LARGE1: variants seen among roughly 807,000 people sequenced by gnomAD.
The protein encoded by LARGE1 is LARGE xylosyl- and glucuronyltransferase 1.
LARGE1 carries 43 observed loss-of-function variants against 87.6 expected under a neutral mutation model. The ratio of observed to expected loss-of-function variants is 0.49; its 90% CI spans 0.38 to 0.63. The LOEUF (loss-of-function observed/expected upper bound fraction) is 0.63. Ranked by LOEUF, LARGE1 falls within the 30% of genes least tolerant of loss-of-function variation. The pLI, the probability that LARGE1 is intolerant of heterozygous loss-of-function variation, is 0.00. For missense variants in LARGE1, 802 were observed against 1,000.2 expected, an observed-to-expected ratio of 0.80 and a Z score of 2.67; for synonymous variants, 434 against 394.6, an observed-to-expected ratio of 1.10 and a Z score of -1.18.
chr22:33,236,624 TA>T (rs1430264519), intron 11 of LARGE1, among the ~76,000 whole-genome samples: 9 of 152,224 alleles, frequency 5.9e-5, no homozygotes, highest in Non-Finnish European at 1.3e-4. Flanking sequence ...CAGCAGGATG[TA>T]AACATTGAAC....
chr22:33,622,410 C>T lies in LARGE1; in HGVS notation c.491+3834G>A, dbSNP rs375221301. ...TGATTATAAGTTTCCTGAGGCTTCC[C>T]CAGCCATGCTAAGCTGTGAGTCAAT... On this transcript the variant is annotated intron_variant, in intron 4 of 14. Coordinates refer to ENST00000397394, the MANE Select transcript of LARGE1 (RefSeq NM_133642.5). 2.6e-5 allele frequency among the ~76,000 whole-genome samples: 4 copies of T among 152,180 alleles called. No individual in the cohort carries two copies. In the East Asian group the frequency reaches 7.7e-4, roughly 29 times the overall value.
chr22:33,084,876 C>T, the LARGE1 span, among the ~76,000 whole-genome samples: 1 of 152,162 alleles, frequency 6.6e-6, no homozygotes, highest in Non-Finnish European at 1.5e-5. Flanking sequence ...ACAACATCCT[C>T]AAAATCTAGT....
At chr22:33,115,239 A>G in the LARGE1 span, among the ~76,000 whole-genome samples, 5 of 152,294 alleles carry the variant, frequency 3.3e-5, no homozygotes, top group East Asian at 9.7e-4. Context: ...CAGTCCTAGC[A>G]TATGCAGACA....
intron 2 of LARGE1, among the ~76,000 whole-genome samples, chr22:33,669,629 C>G (rs1022437545): frequency 6.6e-6 from 1 of 152,202 alleles, no homozygotes; most frequent in African/African-American, 2.4e-5. Context: ...GGAGACCTTT[C>G]CCACCTGCTG....
At chr22:33,617,197 C>A (rs1295249342) in intron 4 of LARGE1, among the ~76,000 whole-genome samples, 1 of 152,170 alleles carries the variant, frequency 6.6e-6, no homozygotes, top group African/African-American at 2.4e-5. Flanking sequence ...TATTTGTGGC[C>A]ACAGTTGAAA....
intron 11 of LARGE1, among the ~76,000 whole-genome samples, chr22:33,240,849 C>T (rs1602136086): frequency 6.6e-6 from 1 of 152,124 alleles, no homozygotes; most frequent in South Asian, 2.1e-4. Flanking sequence ...CAGTCTGTGT[C>T]TGAGCCCCTT....
At chr22:33,130,111 G>A in the LARGE1 span, among the ~76,000 whole-genome samples, 3 of 151,886 alleles carry the variant, frequency 2.0e-5, no homozygotes, top group African/African-American at 4.8e-5. Flanking sequence ...TCAGGAGATC[G>A]AGACCATACT....
chr22:33,291,819 G>A (rs750341769), intron 12 of LARGE1, among the ~76,000 whole-genome samples: 21 of 152,066 alleles, frequency 1.4e-4, no homozygotes, highest in Admixed American at 2.0e-4. Flanking sequence ...GGGGCCGGGC[G>A]TGGTGGCTCA....
At chr22:33,643,741 T>G (rs548371322) in intron 3 of LARGE1, among the ~76,000 whole-genome samples, 3 of 152,282 alleles carry the variant, frequency 2.0e-5, no homozygotes, top group Admixed American at 1.3e-4. Context: ...TCACCACTGA[T>G]TCCACAGAAA....
At chr22:33,839,044 G>A (rs996562056) in intron 1 of LARGE1, among the ~76,000 whole-genome samples, 2 of 152,174 alleles carry the variant, frequency 1.3e-5, no homozygotes, top group African/African-American at 4.8e-5. Context: ...AAATAATTTA[G>A]GATATTAGTT....
chr22:33,892,446 C>T (rs371109631), intron 1 of LARGE1, among the ~76,000 whole-genome samples: 1 of 152,202 alleles, frequency 6.6e-6, no homozygotes, highest in South Asian at 2.1e-4. Flanking sequence ...TCCCCTCCAC[C>T]TCATACTTCA....
intron 6 of LARGE1, among the ~76,000 whole-genome samples, chr22:33,532,348 C>T (rs1213998139): frequency 6.6e-6 from 1 of 152,216 alleles, no homozygotes; most frequent in African/African-American, 2.4e-5. Context: ...CTGTTTTATA[C>T]TTGTTTCTGT....
chr22:33,780,836 C>A lies in LARGE1; in HGVS notation c.-82-19278G>T, dbSNP rs74608905. Among the ~76,000 whole-genome samples, 307 of 152,278 alleles carry A rather than the reference C, an allele frequency of 2.0e-3. 1 individual carries two copies. Among genetic ancestry groups the A allele is most frequent in the Non-Finnish European group, 3.4e-3 (228 of 68,008 alleles). On this transcript the variant is annotated intron_variant, in intron 1 of 14. Coordinates refer to ENST00000397394, the MANE Select transcript of LARGE1 (RefSeq NM_133642.5). Reference sequence around the variant, plus strand: ...AAAGTTACAGAGTAAGTCTCAGGCACCCCGGCCTCAATACAAAATCAAATT... The same window carrying A: ...AAAGTTACAGAGTAAGTCTCAGGCAACCCGGCCTCAATACAAAATCAAATT...
intron 1 of LARGE1, among the ~76,000 whole-genome samples, chr22:33,900,883 C>A (rs527705272): frequency 6.6e-6 from 1 of 152,090 alleles, no homozygotes; most frequent in African/African-American, 2.4e-5. Context: ...CCCGTCTCTA[C>A]TAAAAATACA....
chr22:33,527,713 C>T (rs1185207769), intron 6 of LARGE1, among the ~76,000 whole-genome samples: 2 of 152,028 alleles, frequency 1.3e-5, no homozygotes, highest in Non-Finnish European at 2.9e-5. Flanking sequence ...GGTGACAGCA[C>T]AAAGAGAAAG....
At chr22:33,883,446 C>T (rs2064755464) in intron 1 of LARGE1, among the ~76,000 whole-genome samples, 1 of 152,178 alleles carries the variant, frequency 6.6e-6, no homozygotes, top group Admixed American at 6.5e-5. Flanking sequence ...GAAGTACAGC[C>T]CTCCGCAGTC....
chr22:33,599,915 T>G (rs1264624505), intron 5 of LARGE1, among the ~76,000 whole-genome samples: 1 of 152,176 alleles, frequency 6.6e-6, no homozygotes, highest in Non-Finnish European at 1.5e-5. Flanking sequence ...TTAATGTGTT[T>G]CCTTCCTAGC....
chr22:33,581,760 C>T (rs1394315589), intron 5 of LARGE1, among the ~76,000 whole-genome samples: 1 of 146,624 alleles, frequency 6.8e-6, no homozygotes, highest in Non-Finnish European at 1.5e-5. Context: ...TGCAGTGAGC[C>T]GAGATTGTGC....
intron 6 of LARGE1, among the ~76,000 whole-genome samples, chr22:33,522,748 T>A: frequency 6.6e-6 from 1 of 151,636 alleles, no homozygotes; most frequent in Non-Finnish European, 1.5e-5. Context: ...AGAGAATCGC[T>A]TGAACCCAAG....
Sources: allele counts gnomAD v4.1 joint callset (sites outside exome capture counted in the v4.1 genomes callset), GRCh38; gene constraint gnomAD v4.1.1; transcripts MANE v1.5; gene names NCBI Gene and HGNC (gene_info 2026-07-23, HGNC 2026-07-21).